RANBP17: variants seen among roughly 807,000 people sequenced by gnomAD.
The protein encoded by RANBP17 is RAN binding protein 17, also known as ran-binding protein 17.
A neutral mutation model predicts 141.2 loss-of-function variants in RANBP17; 158 were observed. That is an observed-to-expected ratio of 1.12 (90% CI 0.98 to 1.28). The LOEUF is 1.28. Among genes scored for constraint, RANBP17 ranks in the 50% most tolerant of loss-of-function variants. The pLI, the probability that RANBP17 is intolerant of heterozygous loss-of-function variation, is 0.00. For missense variants in RANBP17, 1,438 were observed against 1,290.7 expected (o/e 1.11, Z -1.75); for synonymous variants, 430 against 450.0 (o/e 0.96, Z 0.56).
At position 171,205,602 on chromosome 5, in the gene RANBP17, T is replaced by G; in HGVS notation, c.2221T>G (p.Phe741Val). ...LNTKTSYTML[F>V]DWMYPTYLPL... ...CACAAAGACCAGCTACACCATGCTG[T>G]TTGACTGGATGTATCCTTATTACAC... The change falls in exon 20 of 28, where the codon TTT becomes GTT. Residue 741 changes from phenylalanine (F) to valine (V), a missense_variant. Phe to Val is a conservative substitution (Grantham distance 50). Transcript: ENST00000523189. 6.2e-7 allele frequency: 1 copy of G among 1,612,946 alleles called. No homozygotes were observed. The highest frequency in any genetic ancestry group is 8.5e-7 in the Non-Finnish European group (1 of 1,178,988).
chr5:171,029,358 A>T (rs984677419), intron 14 of RANBP17, among the ~76,000 whole-genome samples: 4 of 152,156 alleles, frequency 2.6e-5, no homozygotes, highest in Non-Finnish European at 5.9e-5. Flanking sequence ...TTTTATGCGT[A>T]AGAGTTTAGA....
At chr5:171,024,884 G>C (rs1002503717) in intron 14 of RANBP17, among the ~76,000 whole-genome samples, 3 of 151,628 alleles carry the variant, frequency 2.0e-5, no homozygotes, top group African/African-American at 7.3e-5. Context: ...TCTCTAGCTA[G>C]GCCTGTCTTC....
chr5:171,185,268 C>T (rs1436418432), intron 18 of RANBP17, among the ~76,000 whole-genome samples: 1 of 152,168 alleles, frequency 6.6e-6, no homozygotes, highest in Non-Finnish European at 1.5e-5. Context: ...GGTCTGGCCT[C>T]GATATTGATG....
At chr5:171,191,258 ATTT>A (rs1177731826) in intron 18 of RANBP17, among the ~76,000 whole-genome samples, 1 of 152,126 alleles carries the variant, frequency 6.6e-6, no homozygotes, top group Non-Finnish European at 1.5e-5. Context: ...AGAGGAAGGA[ATTT>A]TTTTCTTTAT....
At chr5:170,964,930 G>T (rs1250191715) in intron 13 of RANBP17, among the ~76,000 whole-genome samples, 1 of 152,130 alleles carries the variant, frequency 6.6e-6, no homozygotes. Context: ...GGATGGCTGG[G>T]TCAAATGGTA....
intron 14 of RANBP17, among the ~76,000 whole-genome samples, chr5:170,979,911 T>C (rs1389791843): frequency 6.6e-6 from 1 of 152,178 alleles, no homozygotes; most frequent in Non-Finnish European, 1.5e-5. Context: ...TGGAACAGTT[T>C]GGAGAGCTCA....
intron 1 of RANBP17, among the ~76,000 whole-genome samples, chr5:170,869,972 C>T (rs1231228951): frequency 6.6e-6 from 1 of 152,220 alleles, no homozygotes; most frequent in African/African-American, 2.4e-5. Context: ...ATTTTTGCTG[C>T]CTTTTGTTAA....
Position 171,252,366 on chromosome 5 carries a change from A to G in RANBP17, c.2776+9546A>G, listed in dbSNP as rs573770457. ...AGGGAACATTAACTAATGAAACCAG[A>G]TGTCTTACTTGTGAAACTATGAGCA... is the stretch of plus-strand genomic sequence containing the variant. On this transcript the variant is annotated intron_variant, in intron 24 of 27. Coordinates refer to ENST00000523189, the MANE Select transcript of RANBP17 (RefSeq NM_022897.5). 10 of 1,538,356 alleles carry G rather than the reference A, an allele frequency of 6.5e-6. No homozygotes were observed. The African/African-American group carries it at 9.5e-5, about 15-fold the overall frequency.
chr5:171,123,019 A>G (rs535496063), intron 14 of RANBP17, among the ~76,000 whole-genome samples: 1 of 152,282 alleles, frequency 6.6e-6, no homozygotes, highest in African/African-American at 2.4e-5. Context: ...AGTGCAGCAC[A>G]CCAGGAGTAG....
intron 4 of RANBP17, among the ~76,000 whole-genome samples, chr5:170,894,895 G>A (rs1346696067): frequency 6.6e-6 from 1 of 152,162 alleles, no homozygotes; most frequent in Non-Finnish European, 1.5e-5. Context: ...AGCTGACCTA[G>A]TGTACTTTGT....
chr5:171,106,017 T>C (rs1030534816), intron 14 of RANBP17, among the ~76,000 whole-genome samples: 11 of 152,348 alleles, frequency 7.2e-5, no homozygotes, highest in African/African-American at 2.6e-4. Flanking sequence ...GTAAGCAAAT[T>C]GTTGTGCAAA....
In RANBP17 at chr5:171,012,032, A is replaced by AT. The variant is rs1470409985; in HGVS notation, c.1710+43656dup. Among the ~76,000 whole-genome samples the AT allele has an allele frequency of 1.1e-3, 173 of 150,906 alleles. 2 individuals are homozygous for AT. Among genetic ancestry groups the AT allele is most frequent in the South Asian group, 1.3e-3 (6 of 4,686 alleles). On this transcript the variant is annotated intron_variant, in intron 14 of 27. Coordinates refer to ENST00000523189, the MANE Select transcript of RANBP17 (RefSeq NM_022897.5). Reference sequence around the variant, plus strand: ...TAATATATTTGTTTAAACAAATAATATATTTGTTTAAACAAATTATATTAT... The same window carrying AT: ...TAATATATTTGTTTAAACAAATAATATTATTTGTTTAAACAAATTATATTAT...
intron 14 of RANBP17, among the ~76,000 whole-genome samples, chr5:171,056,415 G>A (rs549330992): frequency 4.6e-5 from 7 of 152,118 alleles, no homozygotes; most frequent in Non-Finnish European, 7.4e-5. Flanking sequence ...AAACATGATT[G>A]ACAAAGAAAT....
In RANBP17 at chr5:171,124,284, G is replaced by A. The variant is rs146391073; in HGVS notation, c.1711-45846G>A. 1.9e-3 allele frequency among the ~76,000 whole-genome samples: 286 copies of A among 151,990 alleles called. 1 individual carries two copies. Among genetic ancestry groups the A allele is most frequent in the African/African-American group, 6.1e-3 (253 of 41,452 alleles). ...GAATATCTGAACTTGAAGACAGGTT[G>A]CTTGAAATTATACAGGCAGAGAAAG... On this transcript the variant is annotated intron_variant, in intron 14 of 27. Coordinates refer to ENST00000523189, the MANE Select transcript of RANBP17 (RefSeq NM_022897.5).
chr5:170,879,566 GTTCT>G (rs1165417620), intron 2 of RANBP17, among the ~76,000 whole-genome samples: 2 of 152,108 alleles, frequency 1.3e-5, no homozygotes, highest in African/African-American at 4.8e-5. Context: ...TGCAGTATAA[GTTCT>G]GCATATAGGT....
intron 22 of RANBP17, among the ~76,000 whole-genome samples, chr5:171,229,922 G>A (rs911155978): frequency 4.6e-5 from 7 of 151,434 alleles, no homozygotes; most frequent in East Asian, 2.0e-4. Context: ...AAAATTAGCC[G>A]GGCGTGGTGG....
At chr5:170,901,484 T>A (rs1770632771) in intron 5 of RANBP17, among the ~76,000 whole-genome samples, 1 of 152,214 alleles carries the variant, frequency 6.6e-6, no homozygotes. Context: ...AATTTGCCAG[T>A]CTGTGTCTTT....
At chr5:171,106,348 G>A (rs1241078754) in intron 14 of RANBP17, among the ~76,000 whole-genome samples, 2 of 152,262 alleles carry the variant, frequency 1.3e-5, no homozygotes, top group African/African-American at 4.8e-5. Flanking sequence ...ATGGAAGGTA[G>A]GAGGGGAAGG....
At chr5:171,036,157 C>T (rs1781869841) in intron 14 of RANBP17, among the ~76,000 whole-genome samples, 1 of 152,182 alleles carries the variant, frequency 6.6e-6, no homozygotes, top group Admixed American at 6.5e-5. Context: ...CCACCTTGGC[C>T]TCCCAAAGTG....
Sources: allele counts gnomAD v4.1 joint callset (sites outside exome capture counted in the v4.1 genomes callset), GRCh38; gene constraint gnomAD v4.1.1; transcripts MANE v1.5; gene names NCBI Gene and HGNC (gene_info 2026-07-23, HGNC 2026-07-21).